PIWIL2: variants seen among roughly 807,000 people sequenced by gnomAD.
PIWIL2 encodes piwi-like protein 2.
Under a neutral mutation model 116.5 loss-of-function variants are expected in PIWIL2, and 81 were observed. The ratio of observed to expected loss-of-function variants is 0.70; its 90% CI spans 0.58 to 0.84. The LOEUF (loss-of-function observed/expected upper bound fraction) is 0.84. Ranked by LOEUF, PIWIL2 falls within the 40% of genes least tolerant of loss-of-function variation. PIWIL2 has a pLI of 0.00. For missense variants in PIWIL2, 1,272 were observed against 1,212.3 expected, an observed-to-expected ratio of 1.05 and a Z score of -0.73; for synonymous variants, 489 against 429.5, an observed-to-expected ratio of 1.14 and a Z score of -1.71.
intron 13 of PIWIL2, among the ~76,000 whole-genome samples, chr8:22,306,772 C>G (rs1831191902): frequency 6.6e-6 from 1 of 152,198 alleles, no homozygotes. Context: ...AGTTCTTCTA[C>G]TTTCACCTAC....
At chr8:22,281,614 C>T in intron 4 of PIWIL2, 99 bp downstream of exon 4, 1 of 998,778 alleles carries the variant, frequency 1.0e-6, no homozygotes, top group Admixed American at 3.1e-5. Flanking sequence ...ATCTCATAAT[C>T]AATGTCTGGT....
chr8:22,291,151 T>G (rs1483522441), intron 10 of PIWIL2, among the ~76,000 whole-genome samples: 2 of 151,210 alleles, frequency 1.3e-5, no homozygotes, highest in African/African-American at 4.9e-5. Flanking sequence ...TTTTCTTTTC[T>G]TTTCTTTTTT....
chr8:22,345,125 T>C (rs1166389352), intron 20 of PIWIL2, among the ~76,000 whole-genome samples: 1 of 152,288 alleles, frequency 6.6e-6, no homozygotes, highest in East Asian at 1.9e-4. Context: ...CTATAGTGTG[T>C]GAGGATCACA....
intron 20 of PIWIL2, among the ~76,000 whole-genome samples, chr8:22,351,448 TATATATA>T (rs1832355558): frequency 2.0e-5 from 1 of 51,074 alleles, no homozygotes; most frequent in East Asian, 5.7e-4. Flanking sequence ...TACATATATA[TATATATA>T]TATATATATA....
rs750741438 is a variant in PIWIL2, at chr8:22,315,158, G to A, written c.2208+13G>A. 1.6e-5 allele frequency: 22 copies of A among 1,386,880 alleles called. No homozygotes were observed. The highest frequency in any genetic ancestry group is 4.3e-5 in the African/African-American group (3 of 70,552). The allele number at this position is 1,386,880 out of a possible 1,614,324, so 85.9% of individuals were successfully genotyped here. ...GGATATTCCTCTGGTGAGTGATGCCGAGATGGTTCAGTTTGCCTCTCCAGA... is the reference window on the plus strand; with the variant it reads ...GGATATTCCTCTGGTGAGTGATGCCAAGATGGTTCAGTTTGCCTCTCCAGA... On this transcript the variant is annotated intron_variant, in intron 18 of 22. Transcript: ENST00000356766.
At chr8:22,321,864 G>C (rs972320983) in intron 20 of PIWIL2, 111 of 985,074 alleles carry the variant, frequency 1.1e-4, no homozygotes, top group Non-Finnish European at 1.2e-4. Context: ...GTAACCACCG[G>C]AAGTTCCAAC....
intron 20 of PIWIL2, among the ~76,000 whole-genome samples, chr8:22,334,821 C>G (rs2132084645): frequency 6.6e-6 from 1 of 152,116 alleles, no homozygotes; most frequent in Non-Finnish European, 1.5e-5. Context: ...CTTTGGGAGG[C>G]CAAGGCAGGC....
Position 22,332,175 on chromosome 8 carries a change from C to T in PIWIL2, c.2403+13900C>T, listed in dbSNP as rs1272501665. On this transcript the variant is annotated intron_variant, in intron 20 of 22. Transcript: ENST00000356766. ...CAAAAATTAGCCAGGTGTGGTGCTG[C>T]GCCCCTGTAATCCCAGCTTCTCAGG... Among the ~76,000 whole-genome samples the T allele has an allele frequency of 4.6e-5, 7 of 152,090 alleles. No homozygotes were observed. In the South Asian group the frequency reaches 6.2e-4, roughly 14 times the overall value.
chr8:22,287,700 T>A, intron 7 of PIWIL2, 55 bp downstream of exon 7: 2 of 1,158,928 alleles, frequency 1.7e-6, no homozygotes, highest in Non-Finnish European at 2.6e-6. Context: ...GCTCTGGCGT[T>A]TTTTGTTTGG....
Position 22,281,408 on chromosome 8 carries a change from T to C in PIWIL2, c.318T>C (p.Ala106=), listed in dbSNP as rs137891784. ...GRGILGRGLS[A]NLVRKDREEL... is the part of the protein sequence containing the mutation. ...GCATTTTAGGTCGAGGCTTGTCTGC[T>C]AATCTGGTACGCAAGGACAGGGAGG... Residue 106 remains alanine, a synonymous_variant, in exon 4 of 23, where the codon GCT becomes GCC. Transcript: ENST00000356766. The C allele has an allele frequency of 9.8e-5, 157 of 1,608,616 alleles. No individual in the cohort carries two copies. Among genetic ancestry groups the C allele is most frequent in the Non-Finnish European group, 1.2e-4 (139 of 1,178,918 alleles).
At chr8:22,316,821 G>C (rs191184188) in intron 19 of PIWIL2, among the ~76,000 whole-genome samples, 11 of 150,080 alleles carry the variant, frequency 7.3e-5, no homozygotes, top group Non-Finnish European at 1.5e-4. Flanking sequence ...TTTTGAGACT[G>C]GGATTTACTC....
chr8:22,354,178 T>G, intron 21 of PIWIL2, 93 bp from the exon 22 acceptor site: 1 of 814,710 alleles, frequency 1.2e-6, no homozygotes, highest in South Asian at 1.4e-5. Flanking sequence ...TCTCTGAGCT[T>G]TAGTTGAAGG....
At chr8:22,344,182 T>C (rs1222284618) in intron 20 of PIWIL2, among the ~76,000 whole-genome samples, 2 of 152,174 alleles carry the variant, frequency 1.3e-5, no homozygotes, top group African/African-American at 4.8e-5. Flanking sequence ...AATGCATAAA[T>C]GTGGTGACAG....
At chr8:22,305,789 T>G (rs1831161581) in intron 12 of PIWIL2, 138 bp from the exon 13 acceptor site, 1 of 661,824 alleles carries the variant, frequency 1.5e-6, no homozygotes, top group Admixed American at 2.5e-5. Flanking sequence ...TTCACTGCTC[T>G]CTCCTCCAGG....
Position 22,341,757 on chromosome 8 carries a change from A to G in PIWIL2, c.2404-11202A>G, listed in dbSNP as rs62492572. ...TATAAAGATACTCTTTATCACTACTATTAATCAGCTTCCTCCTGGAAGTCC... is the reference window on the plus strand; with the variant it reads ...TATAAAGATACTCTTTATCACTACTGTTAATCAGCTTCCTCCTGGAAGTCC... On this transcript the variant is annotated intron_variant, in intron 20 of 22. Coordinates refer to ENST00000356766, the MANE Select transcript of PIWIL2 (RefSeq NM_018068.5). Among the ~76,000 whole-genome samples, 547 of 152,274 alleles carry G rather than the reference A, an allele frequency of 3.6e-3. 3 individuals are homozygous for G. Among genetic ancestry groups the G allele is most frequent in the Non-Finnish European group, 5.6e-3 (380 of 68,020 alleles).
chr8:22,278,014 C>T (rs1046119744), intron 1 of PIWIL2, among the ~76,000 whole-genome samples: 2 of 151,920 alleles, frequency 1.3e-5, no homozygotes, highest in African/African-American at 4.8e-5. Context: ...ATTAAAAATA[C>T]AAAATTAGCC....
chr8:22,345,304 T>C (rs1408049704), intron 20 of PIWIL2, among the ~76,000 whole-genome samples: 11 of 152,076 alleles, frequency 7.2e-5, no homozygotes, highest in Admixed American at 7.2e-4. Context: ...AAAACACAAG[T>C]CCACACAAAA....
chr8:22,327,435 T>C (rs1402339382), intron 20 of PIWIL2, among the ~76,000 whole-genome samples: 1 of 150,904 alleles, frequency 6.6e-6, no homozygotes, highest in African/African-American at 2.4e-5. Flanking sequence ...TGGCGCGATC[T>C]TGACTCACCA....
intron 9 of PIWIL2, 116 bp downstream of exon 9, chr8:22,290,043 T>C: frequency 2.6e-6 from 2 of 755,490 alleles, no homozygotes; most frequent in Non-Finnish European, 2.2e-6. Flanking sequence ...GAATACAGTT[T>C]ATCAATTAAA....
Sources: allele counts gnomAD v4.1 joint callset (sites outside exome capture counted in the v4.1 genomes callset), GRCh38; gene constraint gnomAD v4.1.1; transcripts MANE v1.5; gene names NCBI Gene and HGNC (gene_info 2026-07-23, HGNC 2026-07-21).